Variants in JPH1 observed in about 807,000 individuals in gnomAD.
The protein encoded by JPH1 is junctophilin 1.
In JPH1, 12 loss-of-function variants were observed where a neutral mutation model predicts 53.6. That is an observed-to-expected ratio of 0.22 (90% confidence interval 0.14 to 0.36). The LOEUF (loss-of-function observed/expected upper bound fraction) is 0.36, where lower values mean the gene tolerates loss of function less well. Among genes scored for constraint, JPH1 ranks in the 10% least tolerant of loss-of-function variants. The pLI is 1.00. For missense variants in JPH1, 808 were observed against 905.5 expected (o/e 0.89, Z 1.38); for synonymous variants, 375 against 363.8 (o/e 1.03, Z -0.35).
At chr8:74,247,582 T>C (rs1318446122) in intron 3 of JPH1, among the ~76,000 whole-genome samples, 2 of 152,254 alleles carry the variant, frequency 1.3e-5, no homozygotes, top group Admixed American at 6.5e-5. Flanking sequence ...AAAAATAGAC[T>C]CTGGCAAACA....
Position 74,282,465 on chromosome 8 carries a change from A to G in JPH1, c.1140-22962T>C, listed in dbSNP as rs907409544. 2.0e-5 allele frequency among the ~76,000 whole-genome samples: 3 copies of G among 152,338 alleles called. No homozygotes were observed. The South Asian group carries it at 6.2e-4, about 32-fold the overall frequency. The stretch of plus-strand genomic sequence containing the variant: ...TAGGATAGAGATGTCACGAATATGC[A>G]TGCTGAGGTGGGTACCAACAGTCTT... On this transcript the variant is annotated intron_variant, in intron 2 of 5. Transcript: ENST00000342232.
intron 2 of JPH1, among the ~76,000 whole-genome samples, chr8:74,263,912 C>T (rs545117378): frequency 2.0e-4 from 30 of 152,140 alleles, no homozygotes; most frequent in Non-Finnish European, 3.8e-4. Flanking sequence ...AGTTGCAGCC[C>T]GTAAGAAGAA....
chr8:74,301,414 C>T (rs16938860), intron 2 of JPH1, among the ~76,000 whole-genome samples: 6,852 of 152,296 alleles, frequency 0.045, 210 homozygotes, highest in African/African-American at 0.083. Flanking sequence ...CCTGAGAAGT[C>T]TGTAACAAAT....
intron 4 of JPH1, among the ~76,000 whole-genome samples, chr8:74,244,063 G>A (rs1436810684): frequency 1.3e-5 from 2 of 152,180 alleles, no homozygotes; most frequent in Non-Finnish European, 2.9e-5. Flanking sequence ...ACAACGGCTA[G>A]AGGAGACGTT....
chr8:74,255,278 A>G (rs1338868575), intron 3 of JPH1, among the ~76,000 whole-genome samples: 2 of 152,108 alleles, frequency 1.3e-5, no homozygotes, highest in Non-Finnish European at 2.9e-5. Flanking sequence ...AAACTTGACA[A>G]AAACAAGAAA....
intron 2 of JPH1, among the ~76,000 whole-genome samples, chr8:74,260,783 C>A (rs1414977971): frequency 6.6e-6 from 1 of 152,166 alleles, no homozygotes; most frequent in African/African-American, 2.4e-5. Flanking sequence ...TTACTCTCTT[C>A]AATAACCTCC....
At chr8:74,305,381 C>T (rs1221957234) in intron 2 of JPH1, among the ~76,000 whole-genome samples, 4 of 152,232 alleles carry the variant, frequency 2.6e-5, no homozygotes, top group Non-Finnish European at 4.4e-5. Flanking sequence ...AGCTGAAACT[C>T]ATACAAAGCA....
At chr8:74,244,111 G>A (rs1255134997) in intron 4 of JPH1, among the ~76,000 whole-genome samples, 1 of 152,204 alleles carries the variant, frequency 6.6e-6, no homozygotes, top group Non-Finnish European at 1.5e-5. Flanking sequence ...GGTGAAAACA[G>A]GAGAACTAAG....
chr8:74,271,309 G>T (rs1489935499), intron 2 of JPH1, among the ~76,000 whole-genome samples: 1 of 152,172 alleles, frequency 6.6e-6, no homozygotes. Flanking sequence ...GGGGTCCAGG[G>T]CCTTGCCTGC....
At chr8:74,306,094 C>T (rs2131453322) in intron 2 of JPH1, among the ~76,000 whole-genome samples, 1 of 152,204 alleles carries the variant, frequency 6.6e-6, no homozygotes, top group South Asian at 2.1e-4. Context: ...ACAAAGTGTT[C>T]CCATGTTATG....
intron 4 of JPH1, among the ~76,000 whole-genome samples, chr8:74,238,833 T>C (rs1198269273): frequency 6.6e-6 from 1 of 152,182 alleles, no homozygotes; most frequent in East Asian, 1.9e-4. Context: ...AATTTTTGTA[T>C]TTTTTGTAGA....
chr8:74,295,323 G>C (rs1342304288), intron 2 of JPH1, among the ~76,000 whole-genome samples: 1 of 152,060 alleles, frequency 6.6e-6, no homozygotes, highest in Non-Finnish European at 1.5e-5. Flanking sequence ...TTCTATATGT[G>C]TGTACATATA....
At chr8:74,266,126 T>TAA (rs147395937) in intron 2 of JPH1, among the ~76,000 whole-genome samples, 4 of 147,310 alleles carry the variant, frequency 2.7e-5, no homozygotes, top group African/African-American at 9.9e-5. Context: ...CAGTATATAC[T>TAA]AAAAAAAAAA....
rs998770576 is a variant in JPH1, at chr8:74,256,296, A to G, written c.1258+3089T>C. Among the ~76,000 whole-genome samples the G allele has an allele frequency of 3.0e-4, 45 of 152,158 alleles. 1 individual carries two copies. The highest frequency in any genetic ancestry group is 9.9e-4 in the African/African-American group (41 of 41,470). On this transcript the variant is annotated intron_variant, in intron 3 of 5. Transcript: ENST00000342232. ...TCTCAGCAAACTATCACAAGGACAA[A>G]AAACCAAACACCGCATGTTCTCACT...
At chr8:74,284,225 C>T (rs1807096298) in intron 2 of JPH1, among the ~76,000 whole-genome samples, 1 of 152,198 alleles carries the variant, frequency 6.6e-6, no homozygotes, top group Non-Finnish European at 1.5e-5. Context: ...GAACTCTCTC[C>T]TTTATCCTCT....
intron 3 of JPH1, among the ~76,000 whole-genome samples, chr8:74,250,639 A>G (rs1285843732): frequency 6.6e-6 from 1 of 152,220 alleles, no homozygotes; most frequent in Non-Finnish European, 1.5e-5. Context: ...TTAGCTCCTC[A>G]GCTATCATTA....
chr8:74,243,723 T>C (rs1341709078), intron 4 of JPH1, among the ~76,000 whole-genome samples: 2 of 152,254 alleles, frequency 1.3e-5, no homozygotes, highest in East Asian at 3.8e-4. Flanking sequence ...TCAGATTTTA[T>C]AAATACTATA....
intron 2 of JPH1, among the ~76,000 whole-genome samples, chr8:74,276,046 C>G (rs909629560): frequency 6.6e-6 from 1 of 152,060 alleles, no homozygotes; most frequent in Non-Finnish European, 1.5e-5. Flanking sequence ...CTCATACATG[C>G]TCTAAGATTT....
chr8:74,257,946 T>G (rs2977043), intron 3 of JPH1, among the ~76,000 whole-genome samples: 1 of 152,014 alleles, frequency 6.6e-6, no homozygotes, highest in Non-Finnish European at 1.5e-5. Flanking sequence ...GGCCTTTTAC[T>G]GTCTTCTTTC....
Sources: allele counts gnomAD v4.1 joint callset (sites outside exome capture counted in the v4.1 genomes callset), GRCh38; gene constraint gnomAD v4.1.1; transcripts MANE v1.5; gene names NCBI Gene and HGNC (gene_info 2026-07-23, HGNC 2026-07-21).